NLGN4X: variants seen among roughly 807,000 people sequenced by gnomAD.
NLGN4X encodes the protein neuroligin 4 X-linked.
NLGN4X carries 3 observed loss-of-function variants against 40.3 expected under a neutral mutation model. The ratio of observed to expected loss-of-function variants is 0.07; its 90% CI spans 0.03 to 0.19. The LOEUF (loss-of-function observed/expected upper bound fraction) is 0.19, where lower values mean the gene tolerates loss of function less well. Among genes scored for constraint, NLGN4X ranks in the 10% least tolerant of loss-of-function variants. The pLI is 1.00. For missense variants in NLGN4X, 382 were observed against 708.3 expected, an observed-to-expected ratio of 0.54 and a Z score of 5.23; for synonymous variants, 270 against 306.8, an observed-to-expected ratio of 0.88 and a Z score of 1.25.
intron 1 of NLGN4X, among the ~76,000 whole-genome samples, chrX:6,189,763 A>T (rs888165327): frequency 9.0e-6 from 1 of 110,971 alleles, no homozygotes. Context: ...AATAATTACA[A>T]CCAATGCTGC....
At chrX:6,101,290 G>C (rs765508182) in intron 2 of NLGN4X, among the ~76,000 whole-genome samples, 1 of 111,376 alleles carries the variant, frequency 9.0e-6, no homozygotes, top group African/African-American at 3.3e-5. Flanking sequence ...TGAAAGTTCT[G>C]TCCTCTCAAA....
intron 3 of NLGN4X, among the ~76,000 whole-genome samples, chrX:6,015,931 T>C (rs1217615662): frequency 8.9e-6 from 1 of 111,969 alleles, no homozygotes; most frequent in East Asian, 2.8e-4. Context: ...GTAATAAGAA[T>C]GTGCCATCAA....
chrX:6,123,210 A>G (rs1020124882), intron 2 of NLGN4X, among the ~76,000 whole-genome samples: 5 of 112,055 alleles, frequency 4.5e-5, no homozygotes, highest in African/African-American at 1.6e-4. Context: ...AAATGTAAAC[A>G]AAATATGTCT....
chrX:6,065,280 G>GA (rs2037881512), intron 2 of NLGN4X, among the ~76,000 whole-genome samples: 1 of 108,484 alleles, frequency 9.2e-6, no homozygotes, highest in South Asian at 4.0e-4. Context: ...AATTGAAAAA[G>GA]AAAAAATAGA....
chrX:6,001,362 TA>T (rs1569179427), intron 3 of NLGN4X, among the ~76,000 whole-genome samples: 1 of 112,171 alleles, frequency 8.9e-6, no homozygotes. Context: ...GTGTTTAGTG[TA>T]GAATCAGTGG....
At chrX:5,976,319 T>G in intron 3 of NLGN4X, among the ~76,000 whole-genome samples, 1 of 112,206 alleles carries the variant, frequency 8.9e-6, no homozygotes, top group Admixed American at 9.4e-5. Flanking sequence ...AAGGCTGAAA[T>G]TTCCAGAAGG....
Position 6,151,420 on chromosome X carries a change from G to A in NLGN4X, c.47C>T (p.Pro16Leu). 1 of 1,211,420 alleles carries A rather than the reference G, an allele frequency of 8.3e-7. No individual in the cohort carries two copies. Among genetic ancestry groups the A allele is most frequent in the Non-Finnish European group, 1.1e-6 (1 of 895,291 alleles). The change falls in exon 2 of 6, where the codon CCG becomes CTG. Residue 16 changes from proline (P) to leucine (L), a missense_variant. Transcript: ENST00000381095. ...GLLWLPLLFT[P>L]VCVMLNSNVL... The stretch of plus-strand genomic sequence containing the variant: ...ATTGGAGTTTAACATGACGCAGACC[G>A]GGGTGAACAACAAAGGAAGCCATAG...
At chrX:6,155,816 G>C (rs922205485) in intron 1 of NLGN4X, among the ~76,000 whole-genome samples, 1 of 112,192 alleles carries the variant, frequency 8.9e-6, no homozygotes, top group African/African-American at 3.2e-5. Context: ...TTTTTCACCA[G>C]AGAAATGCAA....
At chrX:6,215,878 CT>C (rs113885626) in intron 1 of NLGN4X, among the ~76,000 whole-genome samples, 29,423 of 91,548 alleles carry the variant, frequency 0.32, 4,195 homozygotes, top group African/African-American at 0.56. Flanking sequence ...TACTCAAACA[CT>C]TTTTTTTTTT....
chrX:6,183,250 C>CA (rs1921659425), intron 1 of NLGN4X, among the ~76,000 whole-genome samples: 1 of 112,040 alleles, frequency 8.9e-6, no homozygotes, highest in South Asian at 3.7e-4. Flanking sequence ...TTTTAAACAC[C>CA]AAAAAAATAA....
intron 3 of NLGN4X, among the ~76,000 whole-genome samples, chrX:5,955,462 T>A (rs1028331100): frequency 5.4e-5 from 6 of 111,380 alleles, no homozygotes; most frequent in Non-Finnish European, 1.1e-4. Context: ...AGAAAAGAAT[T>A]ATAATTTCCA....
At chrX:6,068,396 T>C (rs2037977634) in intron 2 of NLGN4X, among the ~76,000 whole-genome samples, 2 of 110,361 alleles carry the variant, frequency 1.8e-5, no homozygotes, top group African/African-American at 6.6e-5. Flanking sequence ...GTGCAAGATG[T>C]GTTGGTCCCT....
chrX:6,119,725 T>G (rs999775886), intron 2 of NLGN4X, among the ~76,000 whole-genome samples: 1 of 111,527 alleles, frequency 9.0e-6, no homozygotes, highest in African/African-American at 3.3e-5. Flanking sequence ...TAAGTTTTCA[T>G]GTAAAAATTT....
chrX:6,137,381 T>C (rs1479111329), intron 2 of NLGN4X, among the ~76,000 whole-genome samples: 1 of 111,867 alleles, frequency 8.9e-6, no homozygotes, highest in African/African-American at 3.2e-5. Flanking sequence ...AATCCTATTT[T>C]CAAATAAGGT....
intron 3 of NLGN4X, among the ~76,000 whole-genome samples, chrX:5,983,788 T>C (rs1448841089): frequency 2.7e-5 from 3 of 110,870 alleles, no homozygotes; most frequent in Non-Finnish European, 5.7e-5. Context: ...AATTTTAAAG[T>C]ATAAAATAGT....
chrX:6,085,205 G>A (rs2038466762), intron 2 of NLGN4X, among the ~76,000 whole-genome samples: 1 of 110,383 alleles, frequency 9.1e-6, no homozygotes, highest in African/African-American at 3.3e-5. Flanking sequence ...GTACTAGGAG[G>A]TTTGCCAGGA....
intron 2 of NLGN4X, among the ~76,000 whole-genome samples, chrX:6,104,578 C>T (rs1219280814): frequency 1.8e-5 from 2 of 110,919 alleles, no homozygotes; most frequent in African/African-American, 3.3e-5. Context: ...CAAGATGCAA[C>T]GGAAACTTGG....
intron 5 of NLGN4X, among the ~76,000 whole-genome samples, chrX:5,899,639 G>T (rs771950982): frequency 5.5e-5 from 6 of 109,287 alleles, no homozygotes; most frequent in Non-Finnish European, 9.5e-5. Flanking sequence ...CAGTGATAAC[G>T]ATCACCTCAT....
At chrX:6,157,121 T>TAAA (rs397943012) in intron 1 of NLGN4X, among the ~76,000 whole-genome samples, 1 of 101,158 alleles carries the variant, frequency 9.9e-6, no homozygotes, top group Non-Finnish European at 2.0e-5. Context: ...CCCCATCTCT[T>TAAA]AAAAAAAAAA....
Sources: allele counts gnomAD v4.1 joint callset (sites outside exome capture counted in the v4.1 genomes callset), GRCh38; gene constraint gnomAD v4.1.1; transcripts MANE v1.5; gene names NCBI Gene and HGNC (gene_info 2026-07-23, HGNC 2026-07-21).